PPP3R1: variants seen among roughly 807,000 people sequenced by gnomAD.
The protein encoded by PPP3R1 is protein phosphatase 3 regulatory subunit B, alpha, also known as calcineurin subunit B type 1.
PPP3R1 carries 5 observed loss-of-function variants against 22.6 expected under a neutral mutation model. That is an observed-to-expected ratio of 0.22 (90% CI 0.12 to 0.46). PPP3R1 has a LOEUF of 0.46. PPP3R1 is among the 20% of genes least tolerant of loss of function. The probability of loss-of-function intolerance (pLI) is 0.99; values close to 1 mark genes in which losing one functional copy is unlikely to be tolerated. For synonymous variants in PPP3R1, 56 were observed against 65.2 expected, an observed-to-expected ratio of 0.86 and a Z score of 0.68; for missense variants, 61 against 203.2, an observed-to-expected ratio of 0.30 and a Z score of 4.25.
rs80109606 is a variant in PPP3R1 at position 68,246,751 on chromosome 2, G to A, written c.3+5374C>T. 1.8e-3 allele frequency among the ~76,000 whole-genome samples: 277 copies of A among 152,174 alleles called. 1 individual carries two copies. The highest frequency in any genetic ancestry group is 3.2e-3 in the Non-Finnish European group (218 of 68,006). ...TGCCTTTTTACATGCACCATCTTTA[G>A]AGTTCACTCTCTTCACGTCTCATTT... On this transcript the variant is annotated intron_variant, in intron 1 of 5. Coordinates refer to ENST00000234310, the MANE Select transcript of PPP3R1 (RefSeq NM_000945.4).
chr2:68,222,744 T>C (rs984001473), intron 1 of PPP3R1, among the ~76,000 whole-genome samples: 3 of 152,282 alleles, frequency 2.0e-5, no homozygotes, highest in South Asian at 2.1e-4. Context: ...GGCAATATCA[T>C]ATAATAAATC....
chr2:68,187,485 CTCTG>C (rs1169616356), intron 3 of PPP3R1, among the ~76,000 whole-genome samples, 171 bp from the exon 4 acceptor site: 1 of 152,114 alleles, frequency 6.6e-6, no homozygotes, highest in Non-Finnish European at 1.5e-5. Context: ...AACAAGGTCT[CTCTG>C]TATTTTTTTT....
At chr2:68,230,408 T>C (rs950838531) in intron 1 of PPP3R1, among the ~76,000 whole-genome samples, 5 of 152,260 alleles carry the variant, frequency 3.3e-5, no homozygotes, top group African/African-American at 1.2e-4. Flanking sequence ...GTGGTTGCTC[T>C]ATGTACATTA....
chr2:68,199,482 C>CA (rs1311333769), intron 2 of PPP3R1, among the ~76,000 whole-genome samples: 1 of 152,104 alleles, frequency 6.6e-6, no homozygotes. Context: ...ACTAGGACTT[C>CA]AAATACAACG....
intron 5 of PPP3R1, among the ~76,000 whole-genome samples, chr2:68,185,509 T>A (rs1174882261): frequency 1.4e-5 from 2 of 146,226 alleles, no homozygotes; most frequent in African/African-American, 5.0e-5. Flanking sequence ...TACATTTTAT[T>A]TATATATATA....
Position 68,179,588 on chromosome 2 carries a change from T to C in PPP3R1, c.*1375A>G, listed in dbSNP as rs185904896. 6.2e-4 allele frequency: 94 copies of C among 152,312 alleles called. 1 individual carries two copies. Among genetic ancestry groups the C allele is most frequent in the African/African-American group, 2.1e-3 (88 of 41,570 alleles). 9.4% of individuals were successfully genotyped at this position (152,312 alleles called of 1,614,324 possible). On this transcript the variant is annotated 3_prime_UTR_variant, in exon 6 of 6. Transcript: ENST00000234310. ...GAGAAACTATAAAGGGAAAGACTAC[T>C]GTCATACAAAGCTAACCAAAATGTT...
intron 1 of PPP3R1, among the ~76,000 whole-genome samples, chr2:68,226,887 CT>C (rs1286602103): frequency 1.3e-5 from 2 of 152,036 alleles, no homozygotes; most frequent in African/African-American, 4.8e-5. Flanking sequence ...TTTCTCTTTC[CT>C]TTTGATGCTC....
rs1558625257 is a variant in PPP3R1 at position 68,181,015 on chromosome 2, AACAG to A, written c.466-9_466-6del. On this transcript the variant is annotated splice_region_variant and splice_polypyrimidine_tract_variant and intron_variant, in intron 5 of 5. Coordinates refer to ENST00000234310, the MANE Select transcript of PPP3R1 (RefSeq NM_000945.4). ...GATATCTAGGCCACCTACAACCTGC[AACAG>A]ACAGGAACAAATCAAGCTTCACAGT... The A allele has an allele frequency of 2.5e-6, 4 of 1,611,822 alleles. No homozygotes were observed. In the South Asian group the frequency reaches 4.4e-5, roughly 18 times the overall value.
intron 1 of PPP3R1, among the ~76,000 whole-genome samples, chr2:68,220,836 G>T (rs954263461): frequency 6.6e-6 from 1 of 152,146 alleles, no homozygotes. Flanking sequence ...GTAGAGACTG[G>T]TGGGTGCCAG....
At chr2:68,243,083 T>A (rs1670164262) in intron 1 of PPP3R1, among the ~76,000 whole-genome samples, 1 of 152,152 alleles carries the variant, frequency 6.6e-6, no homozygotes, top group South Asian at 2.1e-4. Context: ...GGGCTACCAA[T>A]TTGGCCCTCT....
intron 1 of PPP3R1, among the ~76,000 whole-genome samples, chr2:68,241,413 C>A (rs934806165): frequency 6.6e-6 from 1 of 152,166 alleles, no homozygotes. Flanking sequence ...GTTATTCCCA[C>A]TTTATATACA....
chr2:68,247,759 T>C (rs934152318), intron 1 of PPP3R1, among the ~76,000 whole-genome samples: 2 of 152,228 alleles, frequency 1.3e-5, no homozygotes, highest in African/African-American at 4.8e-5. Flanking sequence ...ACCTCTTTTC[T>C]TCCCCATAAT....
In PPP3R1 at chr2:68,209,174, C is replaced by T. The variant is rs563811342; in HGVS notation, c.43+7918G>A. Reference sequence around the variant, plus strand: ...GAGATCGAGAACATCCCGGCTAAAACGGTGAAACCCCGTCTCTACTAAAAA... The same window carrying T: ...GAGATCGAGAACATCCCGGCTAAAATGGTGAAACCCCGTCTCTACTAAAAA... On this transcript the variant is annotated intron_variant, in intron 2 of 5. Coordinates refer to ENST00000234310, the MANE Select transcript of PPP3R1 (RefSeq NM_000945.4). Among the ~76,000 whole-genome samples, 1,028 of 148,660 alleles carry T rather than the reference C, an allele frequency of 6.9e-3. 7 individuals carry two copies. Among genetic ancestry groups the T allele is most frequent in the African/African-American group, 0.024 (989 of 40,472 alleles).
intron 4 of PPP3R1, 63 bp downstream of exon 4, chr2:68,187,192 C>T: frequency 1.5e-6 from 2 of 1,303,448 alleles, no homozygotes; most frequent in Non-Finnish European, 2.2e-6. Context: ...AAAAAGCATT[C>T]TATAATACAG....
At chr2:68,187,001 T>C (rs1478422432) in intron 4 of PPP3R1, among the ~76,000 whole-genome samples, 3 of 152,236 alleles carry the variant, frequency 2.0e-5, no homozygotes, top group African/African-American at 4.8e-5. Flanking sequence ...AAATTACATA[T>C]GTAGTTTTAC....
chr2:68,252,073 G>A, intron 1 of PPP3R1, 52 bp downstream of exon 1: 6 of 1,378,142 alleles, frequency 4.4e-6, no homozygotes, highest in Non-Finnish European at 4.8e-6. Flanking sequence ...CACCCGACCC[G>A]GACGGCGGCA....
intron 1 of PPP3R1, among the ~76,000 whole-genome samples, chr2:68,225,625 A>G (rs1669766690): frequency 6.6e-6 from 1 of 152,228 alleles, no homozygotes; most frequent in South Asian, 2.1e-4. Flanking sequence ...ATAATAAATG[A>G]GTGCTGTTTT....
rs779692147 is a variant in PPP3R1, at chr2:68,240,369, C to T, written c.3+11756G>A. On this transcript the variant is annotated intron_variant, in intron 1 of 5. Transcript: ENST00000234310. The stretch of plus-strand genomic sequence containing the variant: ...TTCTGATTCTGAGAGCTATCCCATA[C>T]GCAGAGTTTTCTTTCTCAAACTCTG... 9.8e-4 allele frequency among the ~76,000 whole-genome samples: 150 copies of T among 152,298 alleles called. 2 individuals are homozygous for T. The highest frequency in any genetic ancestry group is 3.4e-4 in the Non-Finnish European group (23 of 68,028).
At chr2:68,192,190 T>A (rs1031381437) in intron 2 of PPP3R1, among the ~76,000 whole-genome samples, 1 of 152,190 alleles carries the variant, frequency 6.6e-6, no homozygotes, top group African/African-American at 2.4e-5. Context: ...AGCTACCCTC[T>A]CCACGCTTGC....
Sources: allele counts gnomAD v4.1 joint callset (sites outside exome capture counted in the v4.1 genomes callset), GRCh38; gene constraint gnomAD v4.1.1; transcripts MANE v1.5; gene names NCBI Gene and HGNC (gene_info 2026-07-23, HGNC 2026-07-21).